Variants in HIVEP3 observed in about 807,000 individuals in gnomAD.
The protein encoded by HIVEP3 is HIVEP zinc finger 3.
HIVEP3 carries 49 observed loss-of-function variants against 152.8 expected under a neutral mutation model. That is an observed-to-expected ratio of 0.32 (90% CI 0.26 to 0.41). The LOEUF is 0.41. Ranked by LOEUF, HIVEP3 falls within the 10% of genes least tolerant of loss-of-function variation. The pLI is 1.00. For synonymous variants in HIVEP3, 1,269 were observed against 1,289.0 expected (o/e 0.98, Z 0.33); for missense variants, 2,790 against 3,103.3 (o/e 0.90, Z 2.40).
chr1:41,861,163 C>T (rs1477205812), intron 1 of HIVEP3, among the ~76,000 whole-genome samples: 1 of 152,190 alleles, frequency 6.6e-6, no homozygotes. Context: ...CCAAATAAAA[C>T]TCCTACACCA....
chr1:41,579,842 C>T lies in HIVEP3; in HGVS notation c.4956G>A (p.Arg1652=). The T allele has an allele frequency of 1.2e-6, 2 of 1,614,154 alleles. No homozygotes were observed. The highest frequency in any genetic ancestry group is 1.1e-5 in the South Asian group (1 of 91,074). Residue 1652 remains arginine (R), a synonymous_variant, in exon 4 of 9, where the codon AGG becomes AGA. Coordinates refer to ENST00000372583, the MANE Select transcript of HIVEP3 (RefSeq NM_024503.5). ...TCTCTTTGCTCACTTTCTGCTTAGA[C>T]CTCAGGAGGGACAAAGCAGCTTTAG... The part of the protein sequence containing the change: ...VSTKAALSLL[R]SKQKVSKETY...
At chr1:42,000,936 T>C (rs57251489) in intron 1 of HIVEP3, among the ~76,000 whole-genome samples, 2,298 of 152,350 alleles carry the variant, frequency 0.015, 51 homozygotes, top group African/African-American at 0.052. Context: ...CATATGGCAC[T>C]GAGGATGTGC....
In HIVEP3 at chr1:41,585,024, T is replaced by G; in HGVS notation, c.-227A>C. 1 of 407,788 alleles carries G rather than the reference T, an allele frequency of 2.5e-6. No individual in the cohort carries two copies. Among genetic ancestry groups the G allele is most frequent in the Non-Finnish European group, 4.3e-6 (1 of 232,290 alleles). The allele number at this position is 407,788 out of a possible 1,614,324, so 25.3% of individuals were successfully genotyped here. A position where few individuals can be genotyped will look rare whatever the true frequency, so the allele number is the denominator to read the frequency against. ...CTATTCTATTGGTGAGGCATGGCCC[T>G]CTACTTTGCAGACAGAAAACGCACC... On this transcript the variant is annotated 5_prime_UTR_variant, in exon 4 of 9. Coordinates refer to ENST00000372583, the MANE Select transcript of HIVEP3 (RefSeq NM_024503.5).
intron 1 of HIVEP3, among the ~76,000 whole-genome samples, chr1:41,930,409 G>A (rs577766315): frequency 8.2e-4 from 124 of 152,066 alleles, no homozygotes; most frequent in African/African-American, 2.8e-3. Flanking sequence ...CTTTCACTTC[G>A]CAAAATGGAT....
rs145134470 is a variant in HIVEP3, at chr1:41,518,463, C to G, written c.5409G>C (p.Ser1803=). ...CTTGGCACTTTTTGCTGTGGGCCTT[C>G]GACTTCATGTGCTTAGTCAGATTCC... ...TKGNLTKHMK[S]KAHSKKCQET... The change falls in exon 7 of 9, where the codon TCG becomes TCC. Residue 1803 remains serine, a synonymous_variant. Coordinates refer to ENST00000372583, the MANE Select transcript of HIVEP3 (RefSeq NM_024503.5). The G allele has an allele frequency of 1.2e-6, 2 of 1,614,152 alleles. No individual in the cohort carries two copies. Among genetic ancestry groups the G allele is most frequent in the Admixed American group, 1.7e-5 (1 of 60,026 alleles).
chr1:41,993,001 A>G lies in HIVEP3; in HGVS notation n.119+42806T>C, dbSNP rs1385612963. ...TACACCTTATACAAAAATTAATTCA[A>G]GATGGATTAAAGACTTAAACGTTAG... is the stretch of plus-strand genomic sequence containing the variant. On this transcript the variant is annotated intron_variant and non_coding_transcript_variant, in intron 1 of 3. Transcript: ENST00000489103. Among the ~76,000 whole-genome samples, 64 of 147,992 alleles carry G rather than the reference A, an allele frequency of 4.3e-4. 1 individual carries two copies. In the East Asian group the frequency reaches 0.011, roughly 26 times the overall value.
At chr1:41,531,142 TGGAGGACAGGAGAGAAG>T (rs1643233394) in intron 5 of HIVEP3, among the ~76,000 whole-genome samples, 1 of 123,470 alleles carries the variant, frequency 8.1e-6, no homozygotes, top group South Asian at 2.6e-4. Context: ...ACAGGAGAGA[TGGAGGACAGGAGAGAAG>T]GGAGGACAGG....
intron 1 of HIVEP3, among the ~76,000 whole-genome samples, chr1:41,711,733 C>T (rs937673406): frequency 2.0e-5 from 3 of 152,208 alleles, no homozygotes; most frequent in Non-Finnish European, 4.4e-5. Context: ...CAGAGACAGG[C>T]TCTCTGTGTT....
intron 2 of HIVEP3, among the ~76,000 whole-genome samples, chr1:41,692,682 T>C (rs754783595): frequency 6.6e-6 from 1 of 152,228 alleles, no homozygotes; most frequent in Non-Finnish European, 1.5e-5. Context: ...CATCTTTCTA[T>C]ATATATGGAT....
chr1:41,839,668 C>A (rs1643229070), intron 1 of HIVEP3, among the ~76,000 whole-genome samples: 1 of 152,180 alleles, frequency 6.6e-6, no homozygotes, highest in Admixed American at 6.5e-5. Flanking sequence ...GTGAGGTAAC[C>A]ACTCACAGCC....
chr1:41,882,105 C>T (rs1644271084), intron 1 of HIVEP3, among the ~76,000 whole-genome samples: 1 of 152,220 alleles, frequency 6.6e-6, no homozygotes, highest in Non-Finnish European at 1.5e-5. Flanking sequence ...CCATATCTCA[C>T]TCCCAAACCA....
At chr1:41,713,841 G>A (rs535952530) in intron 1 of HIVEP3, among the ~76,000 whole-genome samples, 1 of 152,364 alleles carries the variant, frequency 6.6e-6, no homozygotes, top group East Asian at 1.9e-4. Context: ...AGTGGGTGAT[G>A]AGCAAGCCTG....
At chr1:41,844,577 C>A (rs964783926) in intron 1 of HIVEP3, among the ~76,000 whole-genome samples, 8 of 152,160 alleles carry the variant, frequency 5.3e-5, no homozygotes, top group Non-Finnish European at 8.8e-5. Flanking sequence ...TAAGTACACC[C>A]CTTTCATTTT....
rs777837471 is a variant in HIVEP3, at chr1:41,518,501, G to T, written c.5384-13C>A. 1.2e-6 allele frequency: 2 copies of T among 1,610,600 alleles called. No homozygotes were observed. The highest frequency in any genetic ancestry group is 2.2e-5 in the South Asian group (2 of 91,030). ...TTAGTCAGATTCCCTAGAAAGAAAC[G>T]AGAATACTTAGGCTCTGCTATGGGG... On this transcript the variant is annotated splice_polypyrimidine_tract_variant and intron_variant, in intron 6 of 8. Transcript: ENST00000372583.
chr1:41,524,711 G>A, intron 6 of HIVEP3, 24 bp downstream of exon 6: 1 of 1,606,110 alleles, frequency 6.2e-7, no homozygotes, highest in Non-Finnish European at 8.5e-7. Context: ...GGCAGGGGCA[G>A]TGCCCCAGCT....
At chr1:41,706,808 T>G (rs2124138471) in intron 1 of HIVEP3, among the ~76,000 whole-genome samples, 1 of 152,318 alleles carries the variant, frequency 6.6e-6, no homozygotes, top group Non-Finnish European at 1.5e-5. Context: ...TCTCTACTGT[T>G]CCGCCGATGT....
Position 41,511,203 on chromosome 1 carries a change from G to T in HIVEP3, c.6469C>A (p.Pro2157Thr), listed in dbSNP as rs1406451167. The change falls in exon 9 of 9, where the codon CCC (proline) becomes ACC (threonine). Residue 2157 changes from proline (P) to threonine (T), a missense_variant. Physicochemically the swap from Pro to Thr is conservative, Grantham distance 38. Around this residue, in one of 9 missense-constraint regions of HIVEP3, gnomAD observed 816 missense variants for 806.5 expected, o/e 1.01. Coordinates refer to ENST00000372583, the MANE Select transcript of HIVEP3 (RefSeq NM_024503.5). The surrounding 1 kb of genome is among the most constrained non-coding windows in gnomAD (Gnocchi z 4.9). The part of the protein sequence containing the change: ...PGPAHPLSSR[P>T]FSALHDFHGH... ...TGGAAGTCATGGAGGGCGGAGAAGG[G>T]TCGGGAGGAGAGAGGATGAGCAGGG... 6.2e-7 allele frequency: 1 copy of T among 1,613,880 alleles called. No individual in the cohort carries two copies. Among genetic ancestry groups the T allele is most frequent in the Non-Finnish European group, 8.5e-7 (1 of 1,180,000 alleles).
intron 5 of HIVEP3, among the ~76,000 whole-genome samples, chr1:41,534,768 C>G (rs1643357382): frequency 6.6e-6 from 1 of 152,178 alleles, no homozygotes; most frequent in Admixed American, 6.5e-5. Context: ...TTCCTGAGCA[C>G]AAGTTTAACT....
chr1:42,024,121 T>C (rs1645569673), intron 1 of HIVEP3, among the ~76,000 whole-genome samples: 1 of 152,232 alleles, frequency 6.6e-6, no homozygotes, highest in Admixed American at 6.5e-5. Flanking sequence ...TAGTTCTCCT[T>C]TAAAATGTCT....
Sources: allele counts gnomAD v4.1 joint callset (sites outside exome capture counted in the v4.1 genomes callset), GRCh38; gene constraint gnomAD v4.1.1; regional missense constraint gnomAD v4.1.1; non-coding constraint Gnocchi (gnomAD v3.1); transcripts MANE v1.5; gene names NCBI Gene and HGNC (gene_info 2026-07-23, HGNC 2026-07-21).